Variants in GTF2E1 observed in about 807,000 individuals in gnomAD.
The protein encoded by GTF2E1 is TFIIE alpha subunit.
In GTF2E1, 14 loss-of-function variants were observed where a neutral mutation model predicts 34.9. The observed-to-expected ratio is 0.40, with a 90% CI of 0.27 to 0.63. The LOEUF (loss-of-function observed/expected upper bound fraction) is 0.63. Among genes scored for constraint, GTF2E1 ranks in the 20% least tolerant of loss-of-function variants. The probability of loss-of-function intolerance (pLI) is 0.39; values close to 1 mark genes in which losing one functional copy is unlikely to be tolerated. For synonymous variants in GTF2E1, 188 were observed against 192.9 expected, an observed-to-expected ratio of 0.97 and a Z score of 0.21; for missense variants, 469 against 557.7, an observed-to-expected ratio of 0.84 and a Z score of 1.60.
intron 2 of GTF2E1, among the ~76,000 whole-genome samples, chr3:120,761,369 A>T: frequency 6.6e-6 from 1 of 152,146 alleles, no homozygotes; most frequent in East Asian, 1.9e-4. Context: ...TCAAAGAACC[A>T]GCTCCTGGAT....
At chr3:120,763,411 G>A (rs1434372365) in intron 2 of GTF2E1, among the ~76,000 whole-genome samples, 1 of 152,116 alleles carries the variant, frequency 6.6e-6, no homozygotes, top group Non-Finnish European at 1.5e-5. Flanking sequence ...GTGGTTTTAT[G>A]TATTTCATAA....
chr3:120,745,549 G>A (rs1384507351), intron 1 of GTF2E1, among the ~76,000 whole-genome samples: 3 of 152,144 alleles, frequency 2.0e-5, no homozygotes, highest in Non-Finnish European at 4.4e-5. Context: ...CTTTAGGAGT[G>A]GGGCCCAGGA....
intron 2 of GTF2E1, among the ~76,000 whole-genome samples, chr3:120,769,613 A>G (rs188756330): frequency 6.6e-6 from 1 of 152,304 alleles, no homozygotes; most frequent in African/African-American, 2.4e-5. Context: ...CACTTGTGCA[A>G]GATGGGATTT....
intron 1 of GTF2E1, chr3:120,749,846 A>G (rs1354669436): frequency 6.6e-6 from 1 of 152,168 alleles, no homozygotes; most frequent in Non-Finnish European, 1.5e-5. Flanking sequence ...TGCTTTGTCA[A>G]GGGATCCAGT....
chr3:120,748,332 A>G (rs1416765662), intron 1 of GTF2E1, among the ~76,000 whole-genome samples: 17 of 152,120 alleles, frequency 1.1e-4, no homozygotes, highest in African/African-American at 4.1e-4. Flanking sequence ...GCCCATGCCT[A>G]TGTCCTGAAT....
intron 1 of GTF2E1, among the ~76,000 whole-genome samples, chr3:120,745,020 T>G (rs528047650): frequency 6.6e-6 from 1 of 152,230 alleles, no homozygotes; most frequent in South Asian, 2.1e-4. Flanking sequence ...CTGGCTCAAT[T>G]GATCCACCTC....
Position 120,781,710 on chromosome 3 carries a change from C to A in GTF2E1, c.*240C>A, listed in dbSNP as rs1324071463. The A allele has an allele frequency of 3.1e-5, 11 of 353,588 alleles. No individual in the cohort carries two copies. The highest frequency in any genetic ancestry group is 2.0e-4 in the East Asian group (4 of 19,632). The allele number at this position is 353,588 out of a possible 1,614,324, so 21.9% of individuals were successfully genotyped here. ...CAGTATTAATATTTTACTGTATTTT[C>A]TTTTCTTTTTTTTTTTTTTTTGGAG... On this transcript the variant is annotated 3_prime_UTR_variant, in exon 5 of 5. Transcript: ENST00000283875.
At position 120,752,256 on chromosome 3, in the gene GTF2E1, G is replaced by A. The variant is rs575037079; in HGVS notation, c.448+1256G>A. Among the ~76,000 whole-genome samples the A allele has an allele frequency of 3.3e-5, 5 of 152,310 alleles. No homozygotes were observed. The South Asian group carries it at 1.0e-3, about 32-fold the overall frequency. On this transcript the variant is annotated intron_variant, in intron 2 of 4. Transcript: ENST00000283875. The stretch of plus-strand genomic sequence containing the variant: ...AGAAAGTCTTAACCATCCTCGGTAT[G>A]AGAATTGCTTGAGTGTTCTATAGAG...
chr3:120,743,391 C>A (rs1293627092), intron 1 of GTF2E1, among the ~76,000 whole-genome samples: 1 of 152,176 alleles, frequency 6.6e-6, no homozygotes, highest in Non-Finnish European at 1.5e-5. Context: ...CTGTCCGATT[C>A]TACCTTGGAA....
chr3:120,779,998 G>C (rs970821734), intron 4 of GTF2E1, among the ~76,000 whole-genome samples: 1 of 152,204 alleles, frequency 6.6e-6, no homozygotes, highest in Admixed American at 6.5e-5. Flanking sequence ...TATCAGGTAA[G>C]ATATGTACAC....
chr3:120,750,964 G>A lies in GTF2E1; in HGVS notation c.412G>A (p.Asp138Asn). ...TCCTGTCTGTAGTAGTACTTTCACA[G>A]ACTTAGAAGCTAATCAGCTCTTTGA... ...KCPVCSSTFTDLEANQLFDPM... is the reference protein window; with the variant it reads ...KCPVCSSTFTNLEANQLFDPM... The change falls in exon 2 of 5, where the codon GAC (aspartate) becomes AAC (asparagine). Residue 138 changes from aspartate to asparagine, a missense_variant. Transcript: ENST00000283875. 6.2e-7 allele frequency: 1 copy of A among 1,613,764 alleles called. No individual in the cohort carries two copies. The highest frequency in any genetic ancestry group is 8.5e-7 in the Non-Finnish European group (1 of 1,179,752).
chr3:120,770,165 C>T (rs1373700037), intron 2 of GTF2E1, among the ~76,000 whole-genome samples: 1 of 152,138 alleles, frequency 6.6e-6, no homozygotes, highest in Non-Finnish European at 1.5e-5. Flanking sequence ...AAGAACCAAA[C>T]TGGAAATCCA....
At position 120,770,719 on chromosome 3, in the gene GTF2E1, T is replaced by C. The variant is rs759982328; in HGVS notation, c.449-9T>C. On this transcript the variant is annotated splice_polypyrimidine_tract_variant and intron_variant, in intron 2 of 4. Coordinates refer to ENST00000283875, the MANE Select transcript of GTF2E1 (RefSeq NM_005513.3). ...TCTCTCTGACCTGAGATACTTGTTT[T>C]CTCTGTAGGAACTTTCCGCTGTACT... 3.7e-6 allele frequency: 6 copies of C among 1,606,836 alleles called. No homozygotes were observed. The highest frequency in any genetic ancestry group is 2.2e-5 in the South Asian group (2 of 90,926).
intron 2 of GTF2E1, 66 bp from the exon 3 acceptor site, chr3:120,770,662 A>G: frequency 9.4e-7 from 1 of 1,059,176 alleles, no homozygotes; most frequent in Non-Finnish European, 1.5e-6. Flanking sequence ...ATATTGGGGG[A>G]GGGTGGAGGT....
chr3:120,753,944 G>A (rs1378946013), intron 2 of GTF2E1, among the ~76,000 whole-genome samples: 1 of 152,130 alleles, frequency 6.6e-6, no homozygotes, highest in Admixed American at 6.6e-5. Context: ...GTGAAACCAG[G>A]TTTTAAGTTT....
At chr3:120,776,248 A>G (rs1412957902) in intron 3 of GTF2E1, among the ~76,000 whole-genome samples, 175 bp from the exon 4 acceptor site, 1 of 152,228 alleles carries the variant, frequency 6.6e-6, no homozygotes, top group Non-Finnish European at 1.5e-5. Context: ...AACGCATACA[A>G]CTTTTACCCT....
chr3:120,781,169 T>C lies in GTF2E1; in HGVS notation c.1019T>C (p.Val340Ala). ...KKTSSAMAGSVGAAAPVTAAN... is the reference protein window; with the variant it reads ...KKTSSAMAGSAGAAAPVTAAN... ...ACTTCCTCTGCCATGGCTGGTTCAGTGGGGGCAGCTGCTCCAGTGACCGCT... is the reference window on the plus strand; with the variant it reads ...ACTTCCTCTGCCATGGCTGGTTCAGCGGGGGCAGCTGCTCCAGTGACCGCT... Residue 340 changes from valine to alanine, a missense_variant, in exon 5 of 5, where the codon GTG becomes GCG. Physicochemically the swap from Val to Ala is moderately conservative, Grantham distance 64. Transcript: ENST00000283875. 6.2e-7 allele frequency: 1 copy of C among 1,614,060 alleles called. No individual in the cohort carries two copies. Among genetic ancestry groups the C allele is most frequent in the Non-Finnish European group, 8.5e-7 (1 of 1,179,998 alleles).
intron 2 of GTF2E1, among the ~76,000 whole-genome samples, chr3:120,763,377 A>G (rs1709281013): frequency 6.6e-6 from 1 of 152,212 alleles, no homozygotes; most frequent in African/African-American, 2.4e-5. Flanking sequence ...TTAAGGAAGG[A>G]CAAACTAAAT....
chr3:120,748,143 G>T (rs1709124541), intron 1 of GTF2E1, among the ~76,000 whole-genome samples: 2 of 152,200 alleles, frequency 1.3e-5, no homozygotes, highest in African/African-American at 4.8e-5. Context: ...ATAGATTCTG[G>T]TTATTAGCCC....
Sources: gnomAD v4.1 joint callset for allele counts (sites outside exome capture counted in the v4.1 genomes callset) on GRCh38, gnomAD v4.1.1 for gene constraint, MANE v1.5 for transcripts, NCBI Gene and HGNC (gene_info 2026-07-23, HGNC 2026-07-21) for gene names.